FGGY: variants seen among roughly 807,000 people sequenced by gnomAD.
FGGY encodes FGGY carbohydrate kinase domain containing, also known as FGGY carbohydrate kinase domain-containing protein.
FGGY carries 72 observed loss-of-function variants against 71.3 expected under a neutral mutation model. That is an observed-to-expected ratio of 1.01 (90% CI 0.84 to 1.23). The LOEUF (loss-of-function observed/expected upper bound fraction) is 1.23. FGGY is among the 50% of genes most tolerant of loss of function. The pLI, the probability that FGGY is intolerant of heterozygous loss-of-function variation, is 0.00. For synonymous variants in FGGY, 251 were observed against 250.3 expected, an observed-to-expected ratio of 1.00 and a Z score of -0.02; for missense variants, 668 against 682.3, an observed-to-expected ratio of 0.98 and a Z score of 0.23.
At chr1:59,365,168 A>G (rs1404392343) in intron 4 of FGGY, among the ~76,000 whole-genome samples, 1 of 152,178 alleles carries the variant, frequency 6.6e-6, no homozygotes, top group Non-Finnish European at 1.5e-5. Context: ...TTGGAATCAC[A>G]GGAGTGATTG....
At chr1:59,361,034 A>G (rs908307624) in intron 4 of FGGY, among the ~76,000 whole-genome samples, 6 of 152,186 alleles carry the variant, frequency 3.9e-5, no homozygotes, top group African/African-American at 1.4e-4. Context: ...CCCCCTGAGT[A>G]AATGCTTCCA....
intron 1 of FGGY, among the ~76,000 whole-genome samples, chr1:59,313,182 G>A (rs2044691000): frequency 6.6e-6 from 1 of 152,120 alleles, no homozygotes; most frequent in South Asian, 2.1e-4. Context: ...CCTCTTTTAT[G>A]AGGATACTAA....
intron 11 of FGGY, among the ~76,000 whole-genome samples, chr1:59,642,120 T>G (rs1189905063): frequency 1.3e-5 from 2 of 152,110 alleles, no homozygotes; most frequent in Non-Finnish European, 2.9e-5. Context: ...AAGCATCTGT[T>G]AATGGGGCAG....
chr1:59,534,787 A>G (rs2095265869), intron 7 of FGGY, among the ~76,000 whole-genome samples: 1 of 152,066 alleles, frequency 6.6e-6, no homozygotes, highest in Admixed American at 6.6e-5. Context: ...ATGCTGAGAG[A>G]TTTTGTCACC....
At chr1:59,458,197 C>A (rs1355004286) in intron 6 of FGGY, among the ~76,000 whole-genome samples, 1 of 152,112 alleles carries the variant, frequency 6.6e-6, no homozygotes, top group Non-Finnish European at 1.5e-5. Context: ...TTGTTTTTTG[C>A]TGAATATTCC....
At chr1:59,375,941 C>G (rs940945037) in intron 4 of FGGY, among the ~76,000 whole-genome samples, 1 of 140,084 alleles carries the variant, frequency 7.1e-6, no homozygotes, top group Non-Finnish European at 1.5e-5. Context: ...GCTTGAAGCA[C>G]TGGTTGTTGC....
At chr1:59,691,572 C>T (rs942279143) in intron 14 of FGGY, among the ~76,000 whole-genome samples, 53 of 151,582 alleles carry the variant, frequency 3.5e-4, no homozygotes, top group Non-Finnish European at 7.4e-4. Context: ...TCAGACTGTT[C>T]TGGGAGGAGT....
At chr1:59,704,486 A>G (rs1354074078) in intron 14 of FGGY, among the ~76,000 whole-genome samples, 1 of 152,062 alleles carries the variant, frequency 6.6e-6, no homozygotes, top group African/African-American at 2.4e-5. Flanking sequence ...ACAGACATAT[A>G]TATACACATA....
chr1:59,487,282 T>G (rs1179866852), intron 6 of FGGY, among the ~76,000 whole-genome samples: 1 of 152,216 alleles, frequency 6.6e-6, no homozygotes, highest in Non-Finnish European at 1.5e-5. Context: ...CTTCATTTGC[T>G]TCCTGAAGCC....
intron 10 of FGGY, among the ~76,000 whole-genome samples, chr1:59,629,529 A>T (rs1352373017): frequency 1.3e-5 from 2 of 152,366 alleles, no homozygotes; most frequent in African/African-American, 2.4e-5. Flanking sequence ...CAACTAGCAT[A>T]TTAGTGGCAT....
intron 7 of FGGY, among the ~76,000 whole-genome samples, chr1:59,531,242 G>A (rs1026801015): frequency 3.2e-4 from 48 of 152,132 alleles, no homozygotes; most frequent in African/African-American, 1.1e-3. Context: ...TTATATAGGT[G>A]TGAAGATCAA....
At chr1:59,387,568 A>G (rs183812963) in intron 5 of FGGY, among the ~76,000 whole-genome samples, 5 of 152,144 alleles carry the variant, frequency 3.3e-5, no homozygotes, top group Non-Finnish European at 7.4e-5. Flanking sequence ...GTTTTCTTCA[A>G]TTTTGGTGAG....
intron 14 of FGGY, among the ~76,000 whole-genome samples, chr1:59,739,364 A>G (rs995584666): frequency 6.6e-6 from 1 of 152,182 alleles, no homozygotes; most frequent in African/African-American, 2.4e-5. Context: ...TGCCCAGGCT[A>G]CCAAACACAG....
chr1:59,651,794 TA>T (rs958082589), intron 11 of FGGY, among the ~76,000 whole-genome samples: 10 of 151,312 alleles, frequency 6.6e-5, no homozygotes, highest in African/African-American at 2.2e-4. Flanking sequence ...ATCCTGTCAT[TA>T]TGATGTTAGC....
At chr1:59,747,992 G>A (rs2098214553) in intron 14 of FGGY, among the ~76,000 whole-genome samples, 1 of 152,088 alleles carries the variant, frequency 6.6e-6, no homozygotes. Context: ...TAACCTCTCT[G>A]AGCCTTTATT....
intron 1 of FGGY, among the ~76,000 whole-genome samples, chr1:59,315,311 A>G (rs1202357363): frequency 6.7e-6 from 1 of 149,570 alleles, no homozygotes; most frequent in Non-Finnish European, 1.5e-5. Context: ...CAATCAAAGG[A>G]TTTCTTAGTT....
chr1:59,701,001 C>T (rs1391294536), intron 14 of FGGY, among the ~76,000 whole-genome samples: 1 of 152,140 alleles, frequency 6.6e-6, no homozygotes, highest in Non-Finnish European at 1.5e-5. Flanking sequence ...CTGTGGGGCT[C>T]CTCTCTCTTT....
At chr1:59,485,237 G>A (rs2093623114) in intron 6 of FGGY, among the ~76,000 whole-genome samples, 1 of 152,206 alleles carries the variant, frequency 6.6e-6, no homozygotes, top group South Asian at 2.1e-4. Flanking sequence ...ACAAAACTTA[G>A]GCTTTTAGGG....
intron 8 of FGGY, among the ~76,000 whole-genome samples, chr1:59,596,303 G>A (rs1281128044): frequency 6.7e-6 from 1 of 149,690 alleles, no homozygotes; most frequent in Non-Finnish European, 1.5e-5. Flanking sequence ...CTTTTTTCCT[G>A]ACATAGGAAA....
Sources: gnomAD v4.1 joint callset for allele counts (sites outside exome capture counted in the v4.1 genomes callset) on GRCh38, gnomAD v4.1.1 for gene constraint, MANE v1.5 for transcripts, NCBI Gene and HGNC (gene_info 2026-07-23, HGNC 2026-07-21) for gene names.